Variants in PLEKHG1 observed in about 807,000 individuals in gnomAD.
PLEKHG1 encodes the protein pleckstrin homology domain-containing family G member 1.
A neutral mutation model predicts 100.8 loss-of-function variants in PLEKHG1; 44 were observed. The ratio of observed to expected loss-of-function variants is 0.44; its 90% CI spans 0.34 to 0.56. PLEKHG1 has a LOEUF of 0.56. Among genes scored for constraint, PLEKHG1 ranks in the 20% least tolerant of loss-of-function variants. The pLI is 0.01. For missense variants in PLEKHG1, 1,545 were observed against 1,720.9 expected, an observed-to-expected ratio of 0.90 and a Z score of 1.81; for synonymous variants, 640 against 662.5, an observed-to-expected ratio of 0.97 and a Z score of 0.52.
chr6:150,640,704 C>G (rs1398452010), intron 2 of PLEKHG1, among the ~76,000 whole-genome samples: 1 of 152,066 alleles, frequency 6.6e-6, no homozygotes, highest in Non-Finnish European at 1.5e-5. Context: ...CACTTTAGCC[C>G]TTACAATTTC....
chr6:150,799,992 C>CG (rs923153741), intron 5 of PLEKHG1, among the ~76,000 whole-genome samples: 2 of 152,162 alleles, frequency 1.3e-5, no homozygotes, highest in Non-Finnish European at 2.9e-5. Context: ...CTCATCACCT[C>CG]GGGGGGATCT....
At chr6:150,698,487 C>T (rs1440720119) in intron 3 of PLEKHG1, among the ~76,000 whole-genome samples, 1 of 70,492 alleles carries the variant, frequency 1.4e-5, no homozygotes, top group Non-Finnish European at 3.0e-5. Flanking sequence ...CGTGTGTATA[C>T]AATACTATAT....
At chr6:150,701,310 ACT>A (rs1780762341) in intron 3 of PLEKHG1, among the ~76,000 whole-genome samples, 1 of 143,012 alleles carries the variant, frequency 7.0e-6, no homozygotes, top group Non-Finnish European at 1.5e-5. Context: ...ACAGAGTGAG[ACT>A]CTATCTCAAA....
chr6:150,810,584 A>G (rs1583176869), intron 10 of PLEKHG1, among the ~76,000 whole-genome samples: 1 of 147,146 alleles, frequency 6.8e-6, no homozygotes, highest in African/African-American at 2.5e-5. Flanking sequence ...GATAGAATAT[A>G]TAGGAACTAC....
chr6:150,607,775 G>A (rs1308557861), intron 1 of PLEKHG1, among the ~76,000 whole-genome samples: 2 of 152,164 alleles, frequency 1.3e-5, no homozygotes, highest in Admixed American at 6.5e-5. Flanking sequence ...GAGGAATAGC[G>A]AGGGTGGGGC....
chr6:150,757,411 C>T (rs899216041), intron 2 of PLEKHG1, among the ~76,000 whole-genome samples: 1 of 152,194 alleles, frequency 6.6e-6, no homozygotes, highest in Non-Finnish European at 1.5e-5. Context: ...GATTTCTGAA[C>T]AGGAAATGTT....
chr6:150,712,021 C>T lies in PLEKHG1; in HGVS notation c.-98-21563C>T, dbSNP rs778828584. 6.6e-5 allele frequency among the ~76,000 whole-genome samples: 10 copies of T among 152,086 alleles called. No individual in the cohort carries two copies. In the East Asian group the frequency reaches 1.2e-3, roughly 18 times the overall value. On this transcript the variant is annotated intron_variant, in intron 3 of 3. Coordinates refer to the PLEKHG1 transcript ENST00000367326. ...GGAGTTAGTGTGACATTGCATCAGC[C>T]GGGGACCTGGCAAGAAACTGAATTA...
chr6:150,606,748 C>G (rs1341340109), intron 1 of PLEKHG1, among the ~76,000 whole-genome samples: 20 of 152,140 alleles, frequency 1.3e-4, no homozygotes. Context: ...TGGCTGTAAT[C>G]AAGTATGCAT....
exon 8 of PLEKHG1, chr6:150,809,196 C>T: frequency 6.2e-7 from 1 of 1,613,316 alleles, no homozygotes; most frequent in Non-Finnish European, 8.5e-7. Flanking sequence ...ATCCAGCGAG[C>T]CAAGAATGAG....
rs56982419 is a variant in PLEKHG1 at position 150,701,417 on chromosome 6, TTATATATATATATATATATA to T, written c.-98-32136_-98-32117del. On this transcript the variant is annotated intron_variant, in intron 3 of 3. Coordinates refer to the PLEKHG1 transcript ENST00000367326. ...TTTGTAAAGAATAAGCAGTAATTCT[TTATATATATATATATATATA>T]TATATATATATATATATATATATAT... Among the ~76,000 whole-genome samples the T allele has an allele frequency of 6.4e-3, 198 of 31,156 alleles. 7 individuals carry two copies. The highest frequency in any genetic ancestry group is 8.3e-3 in the African/African-American group (55 of 6,604). The allele number at this position is 31,156 out of a possible 152,430, so 20.4% of individuals were successfully genotyped here.
At chr6:150,733,923 A>T in exon 2 of PLEKHG1, 1 of 1,614,218 alleles carries the variant, frequency 6.2e-7, no homozygotes, top group Non-Finnish European at 8.5e-7. Flanking sequence ...AACGCGGATG[A>T]GGGCAGCGAA....
chr6:150,763,024 C>CTTCTTTTTTTTTTTTTTTTTTTTTT (rs1784252828), intron 2 of PLEKHG1, among the ~76,000 whole-genome samples: 1 of 76,530 alleles, frequency 1.3e-5, no homozygotes, highest in East Asian at 4.9e-4. Flanking sequence ...GATAAAGCTT[C>CTTCTTTTTTTTTTTTTTTTTTTTTT]TTTTTTTTTT....
chr6:150,817,554 ATTTT>A (rs774464059), intron 10 of PLEKHG1, among the ~76,000 whole-genome samples: 5 of 115,562 alleles, frequency 4.3e-5, no homozygotes, highest in African/African-American at 7.1e-5. Flanking sequence ...AAGAATCTGC[ATTTT>A]TTTTTTTTTT....
intron 2 of PLEKHG1, among the ~76,000 whole-genome samples, chr6:150,760,635 C>CT (rs34394040): frequency 0.07 from 8,048 of 115,716 alleles, 278 homozygotes; most frequent in Non-Finnish European, 0.089. Context: ...AAATGCTTTG[C>CT]TTTTTTTTTT....
At chr6:150,627,456 G>T (rs1219125769) in intron 1 of PLEKHG1, among the ~76,000 whole-genome samples, 2 of 152,076 alleles carry the variant, frequency 1.3e-5, no homozygotes, top group Non-Finnish European at 2.9e-5. Flanking sequence ...TTGTAGTGCA[G>T]ATCCCAAGGG....
At chr6:150,761,094 T>C (rs948999556) in intron 2 of PLEKHG1, among the ~76,000 whole-genome samples, 3 of 140,798 alleles carry the variant, frequency 2.1e-5, no homozygotes, top group Non-Finnish European at 3.0e-5. Flanking sequence ...TTTCTTTCTT[T>C]TTTTCTTTTT....
chr6:150,722,955 A>C (rs1441391691), intron 1 of PLEKHG1, among the ~76,000 whole-genome samples: 1 of 152,350 alleles, frequency 6.6e-6, no homozygotes, highest in East Asian at 1.9e-4. Flanking sequence ...TATTTAATCT[A>C]AATTACAAAT....
chr6:150,669,170 AG>A (rs2128583976), intron 3 of PLEKHG1, among the ~76,000 whole-genome samples: 1 of 152,316 alleles, frequency 6.6e-6, no homozygotes, highest in Admixed American at 6.5e-5. Flanking sequence ...GAAAGACAAA[AG>A]GAGGCTCCTG....
At chr6:150,656,272 T>C (rs939320486) in intron 3 of PLEKHG1, among the ~76,000 whole-genome samples, 4 of 151,932 alleles carry the variant, frequency 2.6e-5, no homozygotes, top group African/African-American at 9.7e-5. Context: ...AAAAAGGATA[T>C]GAGTTTAAAA....
Sources: gnomAD v4.1 joint callset for allele counts (sites outside exome capture counted in the v4.1 genomes callset) on GRCh38, gnomAD v4.1.1 for gene constraint, MANE v1.5 for transcripts, NCBI Gene and HGNC (gene_info 2026-07-23, HGNC 2026-07-21) for gene names.